SLC24A2: variants seen among roughly 807,000 people sequenced by gnomAD.
SLC24A2 encodes solute carrier family 24 member 2, also known as sodium/potassium/calcium exchanger 2.
A neutral mutation model predicts 62.0 loss-of-function variants in SLC24A2; 36 were observed. That is an observed-to-expected ratio of 0.58 (90% CI 0.44 to 0.77). The LOEUF is 0.77. Among genes scored for constraint, SLC24A2 ranks in the 30% least tolerant of loss-of-function variants. The probability of loss-of-function intolerance (pLI) is 0.00; values close to 1 mark genes in which losing one functional copy is unlikely to be tolerated. For synonymous variants in SLC24A2, 358 were observed against 294.0 expected, an observed-to-expected ratio of 1.22 and a Z score of -2.23; for missense variants, 846 against 817.9, an observed-to-expected ratio of 1.03 and a Z score of -0.42.
At chr9:20,046,355 T>G in the SLC24A2 span, among the ~76,000 whole-genome samples, 1 of 152,228 alleles carries the variant, frequency 6.6e-6, no homozygotes, top group African/African-American at 2.4e-5. Context: ...CTGTTGCATC[T>G]GGTGACTGTA....
the SLC24A2 span, among the ~76,000 whole-genome samples, chr9:19,942,078 T>A: frequency 6.6e-6 from 1 of 152,216 alleles, no homozygotes; most frequent in African/African-American, 2.4e-5. Context: ...TTTGCAAGCC[T>A]TCACATAGCC....
chr9:20,197,614 G>A, the SLC24A2 span, among the ~76,000 whole-genome samples: 1 of 151,616 alleles, frequency 6.6e-6, no homozygotes. Context: ...GTATTTTTTA[G>A]AGAGACAGGG....
the SLC24A2 span, among the ~76,000 whole-genome samples, chr9:20,018,986 C>T: frequency 6.6e-6 from 1 of 151,624 alleles, no homozygotes; most frequent in South Asian, 2.1e-4. Context: ...AGCATTTGAG[C>T]CCCAGAGACA....
At chr9:19,663,145 C>T (rs1363283971) in intron 2 of SLC24A2, among the ~76,000 whole-genome samples, 3 of 152,200 alleles carry the variant, frequency 2.0e-5, no homozygotes, top group Admixed American at 2.0e-4. Context: ...AACTTTAATT[C>T]TCCTGACACC....
intron 2 of SLC24A2, among the ~76,000 whole-genome samples, chr9:19,766,863 G>A (rs1822532417): frequency 6.6e-6 from 1 of 152,194 alleles, no homozygotes; most frequent in Non-Finnish European, 1.5e-5. Context: ...GGCAGGCAGG[G>A]ACGTTTAAGT....
At chr9:20,073,876 G>GTATA in the SLC24A2 span, among the ~76,000 whole-genome samples, 25,021 of 116,618 alleles carry the variant, frequency 0.21, 3,288 homozygotes, top group East Asian at 0.65. Context: ...ATATGTGCGT[G>GTATA]TATATATATA....
chr9:20,289,169 G>A, the SLC24A2 span, among the ~76,000 whole-genome samples: 2 of 152,122 alleles, frequency 1.3e-5, no homozygotes, highest in Non-Finnish European at 2.9e-5. Context: ...CTAAGTTTAG[G>A]GGGCAGTTTG....
the SLC24A2 span, among the ~76,000 whole-genome samples, chr9:19,942,344 A>G: frequency 6.6e-6 from 1 of 152,200 alleles, no homozygotes; most frequent in Non-Finnish European, 1.5e-5. Flanking sequence ...TATCATTGCC[A>G]TTTTACAGAT....
chr9:20,088,831 T>A, the SLC24A2 span, among the ~76,000 whole-genome samples: 1 of 151,686 alleles, frequency 6.6e-6, no homozygotes, highest in Admixed American at 6.6e-5. Context: ...TGTAATTCCC[T>A]GGAACAGAGC....
the SLC24A2 span, among the ~76,000 whole-genome samples, chr9:19,823,189 A>T: frequency 6.6e-6 from 1 of 152,116 alleles, no homozygotes; most frequent in South Asian, 2.1e-4. Flanking sequence ...TGGTATTTAG[A>T]TCCCCCTATA....
intron 2 of SLC24A2, among the ~76,000 whole-genome samples, chr9:19,664,479 T>TATA (rs2118264689): frequency 6.6e-6 from 1 of 152,334 alleles, no homozygotes; most frequent in Admixed American, 6.5e-5. Context: ...ATTCCTGTTG[T>TATA]ATAAATGAGA....
chr9:19,994,668 G>A, the SLC24A2 span, among the ~76,000 whole-genome samples: 7 of 152,262 alleles, frequency 4.6e-5, no homozygotes, highest in African/African-American at 1.7e-4. Flanking sequence ...GGCTTCCCAA[G>A]GACCTCTGAG....
intron 4 of SLC24A2, among the ~76,000 whole-genome samples, chr9:19,607,944 C>T (rs1460596621): frequency 6.6e-6 from 1 of 152,052 alleles, no homozygotes; most frequent in Non-Finnish European, 1.5e-5. Flanking sequence ...GTTTCAAATT[C>T]AAATATGAGA....
chr9:20,130,285 A>T, the SLC24A2 span, among the ~76,000 whole-genome samples: 1 of 152,088 alleles, frequency 6.6e-6, no homozygotes, highest in Non-Finnish European at 1.5e-5. Context: ...AAGAGACAAG[A>T]AATAAATGAA....
intron 2 of SLC24A2, among the ~76,000 whole-genome samples, chr9:19,624,718 T>C (rs1452726692): frequency 6.6e-6 from 1 of 152,210 alleles, no homozygotes; most frequent in Non-Finnish European, 1.5e-5. Context: ...AATTTAGGTA[T>C]ACACACAAAT....
chr9:19,572,082 C>T (rs577721165), intron 7 of SLC24A2, among the ~76,000 whole-genome samples: 1 of 66,122 alleles, frequency 1.5e-5, no homozygotes, highest in East Asian at 5.2e-4. Flanking sequence ...CCAGCCTGAT[C>T]AACTGAAACC....
At chr9:19,574,700 T>A (rs1439876515) in intron 6 of SLC24A2, among the ~76,000 whole-genome samples, 1 of 152,178 alleles carries the variant, frequency 6.6e-6, no homozygotes, top group East Asian at 1.9e-4. Context: ...TGCCTTTCAC[T>A]AGAATAATTT....
At chr9:20,207,338 C>A in the SLC24A2 span, among the ~76,000 whole-genome samples, 1 of 152,188 alleles carries the variant, frequency 6.6e-6, no homozygotes, top group Non-Finnish European at 1.5e-5. Flanking sequence ...ACGACCACTA[C>A]TCCTTGCCTC....
At chr9:19,555,584 G>A (rs1586950632) in intron 7 of SLC24A2, among the ~76,000 whole-genome samples, 1 of 152,244 alleles carries the variant, frequency 6.6e-6, no homozygotes, top group East Asian at 1.9e-4. Context: ...GGTGAGGCAG[G>A]CGTAAATAAA....
Sources: gnomAD v4.1 joint callset for allele counts (sites outside exome capture counted in the v4.1 genomes callset) on GRCh38, gnomAD v4.1.1 for gene constraint, MANE v1.5 for transcripts, NCBI Gene and HGNC (gene_info 2026-07-23, HGNC 2026-07-21) for gene names.